PDZRN3: variants seen among roughly 807,000 people sequenced by gnomAD.
PDZRN3 encodes PDZ domain containing ring finger 3.
A neutral mutation model predicts 85.7 loss-of-function variants in PDZRN3; 38 were observed. The ratio of observed to expected loss-of-function variants is 0.44; its 90% CI spans 0.34 to 0.58. PDZRN3 has a LOEUF of 0.58. Ranked by LOEUF, PDZRN3 falls within the 20% of genes least tolerant of loss-of-function variation. The pLI, the probability that PDZRN3 is intolerant of heterozygous loss-of-function variation, is 0.01. For missense variants in PDZRN3, 1,629 were observed against 1,506.4 expected (o/e 1.08, Z -1.35); for synonymous variants, 759 against 638.0 (o/e 1.19, Z -2.86).
chr3:73,537,684 A>G (rs1028953816), intron 3 of PDZRN3, among the ~76,000 whole-genome samples: 1 of 151,900 alleles, frequency 6.6e-6, no homozygotes, highest in African/African-American at 2.4e-5. Context: ...CAGTGGCACC[A>G]TCTCAGCTCA....
chr3:73,587,905 C>T (rs1702300357), intron 3 of PDZRN3, among the ~76,000 whole-genome samples: 1 of 152,178 alleles, frequency 6.6e-6, no homozygotes, highest in African/African-American at 2.4e-5. Context: ...ATCTAGAGCA[C>T]AGAGTCAATT....
At chr3:73,555,015 A>G (rs571326005) in intron 3 of PDZRN3, among the ~76,000 whole-genome samples, 22 of 152,340 alleles carry the variant, frequency 1.4e-4, no homozygotes, top group African/African-American at 5.1e-4. Flanking sequence ...GCTGTCGCCT[A>G]TTTTAATCAC....
intron 3 of PDZRN3, among the ~76,000 whole-genome samples, chr3:73,468,368 C>T (rs925036224): frequency 3.9e-5 from 6 of 152,142 alleles, no homozygotes; most frequent in Non-Finnish European, 7.4e-5. Flanking sequence ...TTGATTCTGG[C>T]TTCCAGGGCT....
chr3:73,474,199 T>G (rs1007962895), intron 3 of PDZRN3, among the ~76,000 whole-genome samples: 5 of 152,164 alleles, frequency 3.3e-5, no homozygotes, highest in Non-Finnish European at 7.3e-5. Context: ...CTTTCAGAAG[T>G]TGCTATGGTT....
intron 3 of PDZRN3, among the ~76,000 whole-genome samples, chr3:73,417,321 A>C (rs1319552880): frequency 1.3e-5 from 2 of 152,232 alleles, no homozygotes; most frequent in African/African-American, 4.8e-5. Context: ...ACTGAATAGA[A>C]GCCTGCAGTT....
intron 3 of PDZRN3, among the ~76,000 whole-genome samples, chr3:73,593,786 TTTAC>T (rs1702395455): frequency 6.6e-6 from 1 of 151,522 alleles, no homozygotes; most frequent in Non-Finnish European, 1.5e-5. Context: ...GAAATGTGGC[TTTAC>T]TTAAAGTTCC....
chr3:73,483,496 C>T (rs1422465981), intron 3 of PDZRN3, among the ~76,000 whole-genome samples: 1 of 152,220 alleles, frequency 6.6e-6, no homozygotes, highest in Non-Finnish European at 1.5e-5. Context: ...CAGATGCTAT[C>T]ATGATGCTCT....
At chr3:73,432,720 T>C (rs1167426212) in intron 3 of PDZRN3, among the ~76,000 whole-genome samples, 1 of 152,224 alleles carries the variant, frequency 6.6e-6, no homozygotes, top group African/African-American at 2.4e-5. Context: ...CCATTGATTG[T>C]TATAAATCAA....
At chr3:73,521,247 A>G (rs894117444) in intron 3 of PDZRN3, among the ~76,000 whole-genome samples, 3 of 152,070 alleles carry the variant, frequency 2.0e-5, no homozygotes, top group African/African-American at 7.2e-5. Context: ...CTGCAGAAAG[A>G]CTTCACGCTC....
chr3:73,461,609 G>C (rs568162928), intron 3 of PDZRN3, among the ~76,000 whole-genome samples: 10 of 152,318 alleles, frequency 6.6e-5, no homozygotes, highest in African/African-American at 2.2e-4. Flanking sequence ...AGATAATCTG[G>C]ACATGAAACA....
intron 1 of PDZRN3, chr3:73,623,872 T>A: frequency 2.5e-6 from 1 of 402,572 alleles, no homozygotes; most frequent in Non-Finnish European, 4.4e-6. Flanking sequence ...CCTGAAGCTG[T>A]ACAGCTATAC....
chr3:73,441,382 C>A (rs1460096918), intron 3 of PDZRN3, among the ~76,000 whole-genome samples: 1 of 119,752 alleles, frequency 8.4e-6, no homozygotes, highest in East Asian at 2.7e-4. Flanking sequence ...CACTACACTT[C>A]AGTCTGGTGA....
intron 3 of PDZRN3, among the ~76,000 whole-genome samples, chr3:73,559,030 T>C (rs907312018): frequency 1.1e-4 from 17 of 152,156 alleles, no homozygotes; most frequent in African/African-American, 4.1e-4. Context: ...AATGCTACAG[T>C]AGTGTTGAGA....
At chr3:73,426,659 C>T (rs1003409609) in intron 3 of PDZRN3, among the ~76,000 whole-genome samples, 2 of 152,198 alleles carry the variant, frequency 1.3e-5, no homozygotes, top group African/African-American at 4.8e-5. Context: ...TAGCAGTCCT[C>T]CCTCTTCCAG....
At chr3:73,522,272 A>T (rs1243879960) in intron 3 of PDZRN3, among the ~76,000 whole-genome samples, 1 of 152,226 alleles carries the variant, frequency 6.6e-6, no homozygotes, top group Admixed American at 6.5e-5. Flanking sequence ...GATACACATG[A>T]GATAGACATC....
intron 1 of PDZRN3, among the ~76,000 whole-genome samples, chr3:73,612,476 A>G (rs1702699467): frequency 6.6e-6 from 1 of 152,212 alleles, no homozygotes; most frequent in South Asian, 2.1e-4. Flanking sequence ...AATAATTGCA[A>G]AGATTAAGAA....
At chr3:73,443,835 G>C (rs1007985522) in intron 3 of PDZRN3, among the ~76,000 whole-genome samples, 1 of 151,896 alleles carries the variant, frequency 6.6e-6, no homozygotes, top group Non-Finnish European at 1.5e-5. Context: ...TTTACTTAAA[G>C]TACTTTTGAA....
At chr3:73,385,314 G>A (rs901959609) in intron 9 of PDZRN3, among the ~76,000 whole-genome samples, 7 of 152,170 alleles carry the variant, frequency 4.6e-5, no homozygotes, top group Non-Finnish European at 1.0e-4. Flanking sequence ...AGCATAGCAG[G>A]GAGCTAGAGA....
intron 3 of PDZRN3, among the ~76,000 whole-genome samples, chr3:73,497,809 C>G (rs1176969161): frequency 1.3e-5 from 2 of 150,732 alleles, no homozygotes; most frequent in East Asian, 3.8e-4. Flanking sequence ...CCCCCCGTCC[C>G]CGCCCCCGCC....
Sources: allele counts gnomAD v4.1 joint callset (sites outside exome capture counted in the v4.1 genomes callset), GRCh38; gene constraint gnomAD v4.1.1; transcripts MANE v1.5; gene names NCBI Gene and HGNC (gene_info 2026-07-23, HGNC 2026-07-21).